Variants in FAM222B observed in about 807,000 individuals in gnomAD.
The protein encoded by FAM222B is family with sequence similarity 222 member B.
In FAM222B, 12 loss-of-function variants were observed where a neutral mutation model predicts 38.0. The ratio of observed to expected loss-of-function variants is 0.32; its 90% CI spans 0.20 to 0.51. The LOEUF is 0.51. Among genes scored for constraint, FAM222B ranks in the 20% least tolerant of loss-of-function variants. FAM222B has a pLI of 0.97. For synonymous variants in FAM222B, 329 were observed against 317.2 expected, an observed-to-expected ratio of 1.04 and a Z score of -0.40; for missense variants, 716 against 754.2, an observed-to-expected ratio of 0.95 and a Z score of 0.59.
chr17:28,832,308 G>A (rs1454084955), intron 1 of FAM222B, among the ~76,000 whole-genome samples: 1 of 152,188 alleles, frequency 6.6e-6, no homozygotes, highest in Non-Finnish European at 1.5e-5. Flanking sequence ...CAGCTGTTCT[G>A]AGATTTCCTG....
intron 1 of FAM222B, among the ~76,000 whole-genome samples, chr17:28,787,361 C>G (rs2036461959): frequency 6.6e-6 from 1 of 152,194 alleles, no homozygotes; most frequent in Non-Finnish European, 1.5e-5. Context: ...TCTCCTCCCC[C>G]AGCCTGAGTA....
chr17:28,816,755 A>G (rs1157978582), intron 1 of FAM222B, among the ~76,000 whole-genome samples: 1 of 152,218 alleles, frequency 6.6e-6, no homozygotes, highest in Non-Finnish European at 1.5e-5. Flanking sequence ...GACACAGAGC[A>G]TAGAAACTTT....
chr17:28,838,906 C>CA (rs777862071), intron 1 of FAM222B, among the ~76,000 whole-genome samples: 1 of 149,070 alleles, frequency 6.7e-6, no homozygotes, highest in Non-Finnish European at 1.5e-5. Flanking sequence ...AACTTGGTAT[C>CA]AAAAAAAATA....
At chr17:28,781,868 G>A (rs1387289306) in intron 1 of FAM222B, among the ~76,000 whole-genome samples, 1 of 152,166 alleles carries the variant, frequency 6.6e-6, no homozygotes, top group Non-Finnish European at 1.5e-5. Flanking sequence ...CTGAAGAGGG[G>A]TGACTGGGGA....
At chr17:28,813,133 A>C (rs577427733) in intron 1 of FAM222B, among the ~76,000 whole-genome samples, 22 of 135,746 alleles carry the variant, frequency 1.6e-4, no homozygotes, top group Non-Finnish European at 2.4e-4. Flanking sequence ...GACACAAAAA[A>C]AAAAAAAACA....
At chr17:28,761,930 C>T (rs2035092293) in intron 2 of FAM222B, 1 of 152,110 alleles carries the variant, frequency 6.6e-6, no homozygotes, top group Non-Finnish European at 1.5e-5. Context: ...AAACCTAGCC[C>T]ACCTCCATGC....
intron 1 of FAM222B, among the ~76,000 whole-genome samples, chr17:28,783,123 G>A (rs542099445): frequency 6.7e-6 from 1 of 148,696 alleles, no homozygotes; most frequent in Admixed American, 6.7e-5. Context: ...GGGTGACAGA[G>A]CGAGACCCTG....
chr17:28,759,569 G>A lies in FAM222B; in HGVS notation c.390C>T (p.Asn130=), dbSNP rs369677017. The A allele has an allele frequency of 4.5e-5, 73 of 1,610,888 alleles. No homozygotes were observed. Among genetic ancestry groups the A allele is most frequent in the South Asian group, 7.7e-5 (7 of 90,520 alleles). The change falls in exon 3 of 3, where the codon AAC becomes AAT. Residue 130 remains asparagine, a synonymous_variant. Coordinates refer to ENST00000581407, the MANE Select transcript of FAM222B (RefSeq NM_001077498.3). This position sits in a 1 kb window ranked among gnomAD's most constrained non-coding sequence, Gnocchi z 4.8. Reference sequence around the variant, plus strand: ...CAGTAGCATAGGGTGCCACTGGGGGGTTCATGATGGCCTCAGGGAGCAACC... The same window carrying A: ...CAGTAGCATAGGGTGCCACTGGGGGATTCATGATGGCCTCAGGGAGCAACC... ...RARLLPEAIM[N]PPVAPYATVA...
intron 1 of FAM222B, chr17:28,834,576 ACT>A (rs2038774539): frequency 6.6e-6 from 1 of 151,776 alleles, no homozygotes; most frequent in African/African-American, 2.4e-5. Flanking sequence ...GACCCAACTG[ACT>A]CTTTCTCTAG....
chr17:28,784,928 T>C (rs563328575), intron 1 of FAM222B, among the ~76,000 whole-genome samples: 2 of 152,144 alleles, frequency 1.3e-5, no homozygotes, highest in Middle Eastern at 6.8e-3. Context: ...TTTTTTTTTT[T>C]TCCTTTATGT....
Position 28,830,849 on chromosome 17 carries a change from TTAAAA to T in FAM222B, c.-41+11828_-41+11832del, listed in dbSNP as rs2038643921. 7.9e-5 allele frequency among the ~76,000 whole-genome samples: 12 copies of T among 151,368 alleles called. No homozygotes were observed. In the South Asian group the frequency reaches 2.5e-3, roughly 31 times the overall value. On this transcript the variant is annotated intron_variant, in intron 1 of 2. Coordinates refer to ENST00000581407, the MANE Select transcript of FAM222B (RefSeq NM_001077498.3). The stretch of plus-strand genomic sequence containing the variant: ...AAAAAAAAAATAAAATAAAATAAAG[TTAAAA>T]TAAAATAATAAAAATATTTTATAAT...
intron 1 of FAM222B, among the ~76,000 whole-genome samples, chr17:28,841,427 TGC>T (rs2039034716): frequency 6.6e-6 from 1 of 152,078 alleles, no homozygotes; most frequent in Non-Finnish European, 1.5e-5. Context: ...CGAACTGGAG[TGC>T]AATAGCACTA....
chr17:28,763,349 T>G (rs1432339935), intron 2 of FAM222B, among the ~76,000 whole-genome samples: 2 of 152,244 alleles, frequency 1.3e-5, no homozygotes, highest in Non-Finnish European at 2.9e-5. Flanking sequence ...CATTCAAGGA[T>G]AGCAGATGTG....
chr17:28,851,867 C>T (rs113419606), intron 1 of FAM222B, among the ~76,000 whole-genome samples: 1,874 of 139,720 alleles, frequency 0.013, 26 homozygotes, highest in Middle Eastern at 0.054. Context: ...GAGAAAGACT[C>T]CATCTCAAAA....
At chr17:28,840,850 A>G (rs1171521585) in intron 1 of FAM222B, among the ~76,000 whole-genome samples, 1 of 151,820 alleles carries the variant, frequency 6.6e-6, no homozygotes, top group Non-Finnish European at 1.5e-5. Context: ...AATCCCAGGT[A>G]CTAGGGAGGC....
intron 1 of FAM222B, among the ~76,000 whole-genome samples, chr17:28,834,059 C>T (rs953269680): frequency 6.6e-6 from 1 of 152,116 alleles, no homozygotes; most frequent in Admixed American, 6.6e-5. Context: ...CTTCTTTACC[C>T]GTCCTCCAAT....
At chr17:28,838,537 G>A (rs188999448) in intron 1 of FAM222B, among the ~76,000 whole-genome samples, 139 of 151,834 alleles carry the variant, frequency 9.2e-4, no homozygotes, top group Admixed American at 2.7e-3. Flanking sequence ...CCGAGATCGC[G>A]TCACTGCACT....
intron 1 of FAM222B, among the ~76,000 whole-genome samples, chr17:28,849,774 A>G (rs916016660): frequency 6.6e-6 from 1 of 152,118 alleles, no homozygotes; most frequent in Non-Finnish European, 1.5e-5. Context: ...GAAAACAAAA[A>G]GTTGAAATGT....
chr17:28,791,675 A>ATTTTTTTT lies in FAM222B; in HGVS notation c.-40-24976_-40-24969dup, dbSNP rs869183871. 2.6e-5 allele frequency among the ~76,000 whole-genome samples: 3 copies of ATTTTTTTT among 116,848 alleles called. 1 individual carries two copies. The allele number at this position is 116,848 out of a possible 152,430, so 76.7% of individuals were successfully genotyped here. A position where few individuals can be genotyped will look rare whatever the true frequency, so the allele number is the denominator to read the frequency against. On this transcript the variant is annotated intron_variant, in intron 1 of 2. Coordinates refer to ENST00000581407, the MANE Select transcript of FAM222B (RefSeq NM_001077498.3). ...TCAGGAGAATCACTTGAGCCCAGGA[A>ATTTTTTTT]TTTTTTTTTTTTTTTTTTTTTTTGA...
Sources: allele counts gnomAD v4.1 joint callset (sites outside exome capture counted in the v4.1 genomes callset), GRCh38; gene constraint gnomAD v4.1.1; non-coding constraint Gnocchi (gnomAD v3.1); transcripts MANE v1.5; gene names NCBI Gene and HGNC (gene_info 2026-07-23, HGNC 2026-07-21).